Variants in SYK observed in about 807,000 individuals in gnomAD.
SYK encodes tyrosine-protein kinase SYK.
A neutral mutation model predicts 77.8 loss-of-function variants in SYK; 16 were observed. The ratio of observed to expected loss-of-function variants is 0.21; its 90% CI spans 0.14 to 0.31. SYK has a LOEUF of 0.31. Ranked by LOEUF, SYK falls within the 10% of genes least tolerant of loss-of-function variation. The pLI, the probability that SYK is intolerant of heterozygous loss-of-function variation, is 1.00. For missense variants in SYK, 529 were observed against 814.4 expected (o/e 0.65, Z 4.26); for synonymous variants, 312 against 308.7 (o/e 1.01, Z -0.11).
At chr9:90,825,119 CAA>C (rs148061358) in intron 1 of SYK, among the ~76,000 whole-genome samples, 1 of 93,356 alleles carries the variant, frequency 1.1e-5, no homozygotes. Context: ...ACCAAAAAGA[CAA>C]AAAAAAAAAA....
At chr9:90,824,689 A>T (rs937623316) in intron 1 of SYK, among the ~76,000 whole-genome samples, 1 of 152,124 alleles carries the variant, frequency 6.6e-6, no homozygotes, top group Non-Finnish European at 1.5e-5. Flanking sequence ...TGTCAAAAAA[A>T]AAATCTTAAA....
At chr9:90,860,737 T>G (rs1232360481) in intron 3 of SYK, among the ~76,000 whole-genome samples, 1 of 152,140 alleles carries the variant, frequency 6.6e-6, no homozygotes, top group African/African-American at 2.4e-5. Context: ...CGTTCAGCTT[T>G]CAAGTCTTGG....
chr9:90,843,986 G>A lies in SYK; in HGVS notation c.88G>A (p.Val30Ile). The A allele has an allele frequency of 1.2e-6, 2 of 1,609,092 alleles. No homozygotes were observed. The part of the protein sequence containing the change: ...ITREEAEDYL[V>I]QGGMSDGLYL... The stretch of plus-strand genomic sequence containing the variant: ...CCGGGAGGAGGCAGAAGATTACCTG[G>A]TCCAGGGGGGCATGAGTGATGGGCT... The change falls in exon 2 of 14, where the codon GTC becomes ATC. Residue 30 changes from valine (V) to isoleucine (I), a missense_variant. By Grantham distance (29) the Val-to-Ile change is conservative. Coordinates refer to ENST00000375754, the MANE Select transcript of SYK (RefSeq NM_003177.7).
In SYK at chr9:90,874,244, C is replaced by T; in HGVS notation, c.956C>T (p.Ser319Leu). The T allele has an allele frequency of 6.2e-7, 1 of 1,614,178 alleles. No individual in the cohort carries two copies. The highest frequency in any genetic ancestry group is 8.5e-7 in the Non-Finnish European group (1 of 1,180,026). The change falls in exon 8 of 14, where the codon TCA (serine) becomes TTA (leucine). Residue 319 changes from serine (S) to leucine (L), a missense_variant. By Grantham distance (145) the Ser-to-Leu change is moderately radical. Around this residue, in one of 2 missense-constraint regions of SYK, gnomAD observed 321 missense variants for 433.1 expected, o/e 0.74. Coordinates refer to ENST00000375754, the MANE Select transcript of SYK (RefSeq NM_003177.7). Reference sequence around the variant, plus strand: ...GGGAACCGGCAAGAGAGTACTGTGTCATTCAATCCGTATGAGCCAGAACTT... The same window carrying T: ...GGGAACCGGCAAGAGAGTACTGTGTTATTCAATCCGTATGAGCCAGAACTT... ...AQGNRQESTVSFNPYEPELAP... is the reference protein window; with the variant it reads ...AQGNRQESTVLFNPYEPELAP...
At chr9:90,893,956 C>T (rs1828889724) in intron 13 of SYK, among the ~76,000 whole-genome samples, 2 of 152,202 alleles carry the variant, frequency 1.3e-5, no homozygotes, top group Admixed American at 1.3e-4. Flanking sequence ...GCTGCTGAAG[C>T]ACAGCTGTGT....
chr9:90,895,742 C>G lies in SYK; in HGVS notation c.*142C>G. 1 of 732,890 alleles carries G rather than the reference C, an allele frequency of 1.4e-6. No homozygotes were observed. The highest frequency in any genetic ancestry group is 2.3e-6 in the Non-Finnish European group (1 of 436,954). 45.4% of individuals were successfully genotyped at this position (732,890 alleles called of 1,614,324 possible). A position where few individuals can be genotyped will look rare whatever the true frequency, so the allele number is the denominator to read the frequency against. ...ATGGAACATGCCCACAACTTGTCAC[C>G]CAAAGCCTGTCCCAGGACTCACCCT... On this transcript the variant is annotated 3_prime_UTR_variant, in exon 14 of 14. Coordinates refer to ENST00000375754, the MANE Select transcript of SYK (RefSeq NM_003177.7). This position sits in a 1 kb window ranked among gnomAD's most constrained non-coding sequence, Gnocchi z 4.4.
intron 1 of SYK, among the ~76,000 whole-genome samples, chr9:90,820,610 A>G (rs979117781): frequency 1.3e-5 from 2 of 152,140 alleles, no homozygotes; most frequent in Non-Finnish European, 2.9e-5. Context: ...TAGGCTGCAC[A>G]CTGCATGAGG....
intron 6 of SYK, 110 bp from the exon 7 acceptor site, chr9:90,867,021 G>C (rs1004483383): frequency 8.7e-6 from 10 of 1,155,020 alleles, no homozygotes; most frequent in African/African-American, 6.0e-5. Context: ...GGGACAGGAG[G>C]GGGTTAGTGG....
intron 13 of SYK, among the ~76,000 whole-genome samples, chr9:90,889,470 T>C (rs978087834): frequency 6.6e-6 from 1 of 152,168 alleles, no homozygotes; most frequent in African/African-American, 2.4e-5. Context: ...ACAGCTGACA[T>C]TGCCAGAGCC....
At chr9:90,839,391 AT>A (rs1826209499) in intron 1 of SYK, among the ~76,000 whole-genome samples, 1 of 152,136 alleles carries the variant, frequency 6.6e-6, no homozygotes, top group Non-Finnish European at 1.5e-5. Flanking sequence ...AGTGCAGCAC[AT>A]TCTTCTGCCA....
At chr9:90,885,505 A>C (rs970724376) in intron 11 of SYK, among the ~76,000 whole-genome samples, 1 of 152,232 alleles carries the variant, frequency 6.6e-6, no homozygotes, top group African/African-American at 2.4e-5. Flanking sequence ...AGAATAAAAA[A>C]GAATGAGCAA....
intron 3 of SYK, among the ~76,000 whole-genome samples, chr9:90,850,714 C>T (rs956127740): frequency 6.7e-6 from 1 of 150,266 alleles, no homozygotes; most frequent in Non-Finnish European, 1.5e-5. Context: ...GCCAGCATTT[C>T]AGTCTGAGAA....
rs183960220 is a variant in SYK at position 90,896,996 on chromosome 9, C to T, written c.*1396C>T. 87 of 205,012 alleles carry T rather than the reference C, an allele frequency of 4.2e-4. 2 individuals carry two copies. The Admixed American group carries it at 4.5e-3, about 11-fold the overall frequency. The allele number at this position is 205,012 out of a possible 1,614,324, so 12.7% of individuals were successfully genotyped here. A position where few individuals can be genotyped will look rare whatever the true frequency, so the allele number is the denominator to read the frequency against. ...GAGCCAAGATCATGCCACTGCACTC[C>T]AGCTTGGGCATCACAGCGAGACTCT... On this transcript the variant is annotated 3_prime_UTR_variant, in exon 14 of 14. Coordinates refer to ENST00000375754, the MANE Select transcript of SYK (RefSeq NM_003177.7).
intron 7 of SYK, 130 bp downstream of exon 7, chr9:90,867,329 TG>T: frequency 1.1e-6 from 1 of 943,178 alleles, no homozygotes; most frequent in Non-Finnish European, 1.7e-6. Flanking sequence ...CAGGCCTCTT[TG>T]CCCTTGCTCA....
chr9:90,858,232 G>C (rs919132280), intron 3 of SYK, among the ~76,000 whole-genome samples: 1 of 152,188 alleles, frequency 6.6e-6, no homozygotes, highest in African/African-American at 2.4e-5. Context: ...TGTCTGTGAG[G>C]CACAAGGCCT....
chr9:90,867,558 T>A (rs1039995460), intron 7 of SYK, among the ~76,000 whole-genome samples: 2 of 152,190 alleles, frequency 1.3e-5, no homozygotes, highest in Non-Finnish European at 2.9e-5. Context: ...CAGACTCACG[T>A]GTTGCAGTGT....
At chr9:90,892,310 C>A (rs1828824502) in intron 13 of SYK, among the ~76,000 whole-genome samples, 1 of 152,108 alleles carries the variant, frequency 6.6e-6, no homozygotes, top group Non-Finnish European at 1.5e-5. Context: ...TTTACTCAGG[C>A]CCATTGCAGC....
chr9:90,889,447 T>G (rs1307415405), intron 13 of SYK, among the ~76,000 whole-genome samples: 1 of 152,248 alleles, frequency 6.6e-6, no homozygotes, highest in African/African-American at 2.4e-5. Flanking sequence ...CGGAATCAGG[T>G]TTGCCTTCAG....
rs1392694626 is a variant in SYK, at chr9:90,828,229, A to ACCC, written c.-41-15626_-41-15624dup. Among the ~76,000 whole-genome samples, 128 of 25,566 alleles carry ACCC rather than the reference A, an allele frequency of 5.0e-3. 1 individual carries two copies. The highest frequency in any genetic ancestry group is 0.023 in the Middle Eastern group (1 of 44). The allele number at this position is 25,566 out of a possible 152,430, so 16.8% of individuals were successfully genotyped here. A position where few individuals can be genotyped will look rare whatever the true frequency, so the allele number is the denominator to read the frequency against. ...TGTCATTGCAGTCTGCTGTGGCCTC[A>ACCC]CCCCCGCCCCCCCCCCCGCCCCGCC... On this transcript the variant is annotated intron_variant, in intron 1 of 13. Coordinates refer to ENST00000375754, the MANE Select transcript of SYK (RefSeq NM_003177.7).
Sources: gnomAD v4.1 joint callset for allele counts (sites outside exome capture counted in the v4.1 genomes callset) on GRCh38, gnomAD v4.1.1 for gene constraint, gnomAD v4.1.1 regional missense constraint, Gnocchi (gnomAD v3.1) non-coding constraint, MANE v1.5 for transcripts, NCBI Gene and HGNC (gene_info 2026-07-23, HGNC 2026-07-21) for gene names.